The following RPS6KC1 variants were observed in gnomAD, a reference collection of about 807,000 sequenced individuals.
RPS6KC1 encodes the protein inactive ribosomal protein S6 kinase delta-1.
A neutral mutation model predicts 103.8 loss-of-function variants in RPS6KC1; 54 were observed. That is an observed-to-expected ratio of 0.52 (90% CI 0.42 to 0.65). The LOEUF is 0.65. Among genes scored for constraint, RPS6KC1 ranks in the 30% least tolerant of loss-of-function variants. The pLI is 0.00. For missense variants in RPS6KC1, 1,151 were observed against 1,253.8 expected (o/e 0.92, Z 1.24); for synonymous variants, 439 against 438.7 (o/e 1.00, Z -0.01).
the RPS6KC1 span, among the ~76,000 whole-genome samples, chr1:213,651,143 C>A: frequency 7.1e-4 from 108 of 152,196 alleles, no homozygotes; most frequent in African/African-American, 2.2e-3. Context: ...TTACTTAAGA[C>A]CTTTCAACTT....
At chr1:213,398,403 A>G in the RPS6KC1 span, among the ~76,000 whole-genome samples, 1 of 151,738 alleles carries the variant, frequency 6.6e-6, no homozygotes, top group African/African-American at 2.4e-5. Flanking sequence ...GTGACTGAAC[A>G]TTTTTTATAG....
intron 3 of RPS6KC1, among the ~76,000 whole-genome samples, chr1:213,085,328 G>T (rs1206269812): frequency 6.6e-6 from 1 of 152,120 alleles, no homozygotes; most frequent in African/African-American, 2.4e-5. Context: ...TGCCCATCCA[G>T]ATAATCCAGG....
intron 4 of RPS6KC1, among the ~76,000 whole-genome samples, chr1:213,112,713 T>G (rs945848466): frequency 7.4e-5 from 11 of 148,012 alleles, no homozygotes; most frequent in African/African-American, 2.5e-4. Context: ...ATCCCTCCCC[T>G]CTCCCCCCAC....
chr1:213,473,724 T>C, the RPS6KC1 span, among the ~76,000 whole-genome samples: 2 of 152,226 alleles, frequency 1.3e-5, no homozygotes, highest in Non-Finnish European at 2.9e-5. Flanking sequence ...GGTTTGTGAA[T>C]ACTACTTAGG....
chr1:213,380,957 G>T, the RPS6KC1 span, among the ~76,000 whole-genome samples: 2 of 152,156 alleles, frequency 1.3e-5, no homozygotes, highest in Non-Finnish European at 1.5e-5. Context: ...CCAGCAAGGC[G>T]CCTGGATCCA....
the RPS6KC1 span, among the ~76,000 whole-genome samples, chr1:213,491,805 T>C: frequency 1.3e-5 from 2 of 152,154 alleles, no homozygotes; most frequent in Non-Finnish European, 2.9e-5. Flanking sequence ...CCATAAGGAA[T>C]ATCTGAGTCC....
At chr1:213,606,216 G>A in the RPS6KC1 span, among the ~76,000 whole-genome samples, 1 of 152,188 alleles carries the variant, frequency 6.6e-6, no homozygotes, top group Non-Finnish European at 1.5e-5. Context: ...AAGCCATGGA[G>A]GGTGGGTGAA....
intron 3 of RPS6KC1, among the ~76,000 whole-genome samples, chr1:213,103,583 T>TCACTTGCCAGTCATATAGG (rs2082206563): frequency 1.3e-5 from 2 of 152,198 alleles, no homozygotes; most frequent in Non-Finnish European, 2.9e-5. Context: ...TGGTTCAGTT[T>TCACTTGCCAGTCATATAGG]CACTTGCCAG....
chr1:213,844,007 A>T, the RPS6KC1 span, among the ~76,000 whole-genome samples: 21 of 152,148 alleles, frequency 1.4e-4, no homozygotes, highest in Non-Finnish European at 1.6e-4. Flanking sequence ...GGGGGAAAAA[A>T]AAAAAGAAGA....
intron 8 of RPS6KC1, among the ~76,000 whole-genome samples, chr1:213,211,553 C>T (rs1160191055): frequency 1.3e-5 from 2 of 152,164 alleles, no homozygotes; most frequent in South Asian, 2.1e-4. Context: ...CACCATTGTC[C>T]TTTGGAAGCA....
intron 3 of RPS6KC1, among the ~76,000 whole-genome samples, chr1:213,079,767 A>G (rs2079685644): frequency 6.6e-6 from 1 of 151,830 alleles, no homozygotes; most frequent in Non-Finnish European, 1.5e-5. Flanking sequence ...ACAAAACACA[A>G]AGGTAGTATT....
At chr1:213,854,906 C>T in the RPS6KC1 span, among the ~76,000 whole-genome samples, 2 of 152,214 alleles carry the variant, frequency 1.3e-5, no homozygotes, top group African/African-American at 4.8e-5. Flanking sequence ...ATCTGTGTGG[C>T]TTAGCCACAG....
At chr1:213,674,888 T>G in the RPS6KC1 span, among the ~76,000 whole-genome samples, 14 of 152,184 alleles carry the variant, frequency 9.2e-5, no homozygotes, top group Admixed American at 7.9e-4. Flanking sequence ...CTCTGATGAT[T>G]TGTGATGTGA....
At chr1:213,816,213 A>G in the RPS6KC1 span, among the ~76,000 whole-genome samples, 1 of 152,220 alleles carries the variant, frequency 6.6e-6, no homozygotes, top group African/African-American at 2.4e-5. Flanking sequence ...TATTGGGAGA[A>G]CTACCAAAAT....
the RPS6KC1 span, among the ~76,000 whole-genome samples, chr1:213,315,005 C>T: frequency 3.9e-5 from 6 of 152,076 alleles, no homozygotes; most frequent in African/African-American, 9.7e-5. Flanking sequence ...CATTACTATT[C>T]GAGCCCCGTA....
chr1:213,363,617 G>GCTTT, the RPS6KC1 span, among the ~76,000 whole-genome samples: 8 of 89,744 alleles, frequency 8.9e-5, no homozygotes, highest in Admixed American at 3.4e-4. Flanking sequence ...TTGCTTGCTT[G>GCTTT]CTTGCTTGCT....
chr1:213,629,443 T>C, the RPS6KC1 span, among the ~76,000 whole-genome samples: 1 of 152,190 alleles, frequency 6.6e-6, no homozygotes, highest in Admixed American at 6.5e-5. Flanking sequence ...TTGGTAGATC[T>C]TCCTCCATCC....
chr1:213,697,598 AAGC>A, the RPS6KC1 span, among the ~76,000 whole-genome samples: 2 of 152,222 alleles, frequency 1.3e-5, no homozygotes, highest in African/African-American at 4.8e-5. Context: ...TTGTGGTGTG[AAGC>A]CTTACCAGAG....
the RPS6KC1 span, among the ~76,000 whole-genome samples, chr1:213,281,929 AT>A: frequency 1.3e-5 from 2 of 152,146 alleles, no homozygotes; most frequent in African/African-American, 2.4e-5. Context: ...TGGTAGGGAA[AT>A]TACCAAGAGA....
Sources: allele counts gnomAD v4.1 joint callset (sites outside exome capture counted in the v4.1 genomes callset), GRCh38; gene constraint gnomAD v4.1.1; transcripts MANE v1.5; gene names NCBI Gene and HGNC (gene_info 2026-07-23, HGNC 2026-07-21).